The following MCTP1 variants were observed in gnomAD, a reference collection of about 807,000 sequenced individuals.
The protein encoded by MCTP1 is multiple C2 and transmembrane domain-containing protein 1.
In MCTP1, 69 loss-of-function variants were observed where a neutral mutation model predicts 120.6. The ratio of observed to expected loss-of-function variants is 0.57; its 90% confidence interval spans 0.47 to 0.70. The LOEUF is 0.70. Ranked by LOEUF, MCTP1 falls within the 30% of genes least tolerant of loss-of-function variation. The probability of loss-of-function intolerance (pLI) is 0.00; values close to 1 mark genes in which losing one functional copy is unlikely to be tolerated. For missense variants in MCTP1, 1,203 were observed against 1,248.8 expected, an observed-to-expected ratio of 0.96 and a Z score of 0.55; for synonymous variants, 529 against 493.1, an observed-to-expected ratio of 1.07 and a Z score of -0.96.
intron 18 of MCTP1, among the ~76,000 whole-genome samples, chr5:94,784,482 G>A (rs1391236140): frequency 3.3e-5 from 5 of 151,990 alleles, no homozygotes; most frequent in East Asian, 1.9e-4. Context: ...ACATTTTTAC[G>A]ACAGGACACC....
At chr5:94,735,011 G>A (rs1038795405) in intron 19 of MCTP1, among the ~76,000 whole-genome samples, 1 of 152,140 alleles carries the variant, frequency 6.6e-6, no homozygotes, top group Non-Finnish European at 1.5e-5. Flanking sequence ...AGAACACCTT[G>A]TCTATGTGAT....
At chr5:94,790,401 G>A (rs1273587388) in intron 18 of MCTP1, among the ~76,000 whole-genome samples, 1 of 152,206 alleles carries the variant, frequency 6.6e-6, no homozygotes, top group Non-Finnish European at 1.5e-5. Flanking sequence ...GTCCATGGAT[G>A]TTATCCCGTG....
intron 17 of MCTP1, among the ~76,000 whole-genome samples, chr5:94,840,354 C>A (rs1053033427): frequency 6.6e-6 from 1 of 152,190 alleles, no homozygotes; most frequent in Non-Finnish European, 1.5e-5. Context: ...AGAGAGACGA[C>A]AAACAGCTTC....
chr5:95,168,867 T>C (rs554271996), intron 1 of MCTP1, among the ~76,000 whole-genome samples: 132 of 152,288 alleles, frequency 8.7e-4, no homozygotes, highest in African/African-American at 3.1e-3. Context: ...ACTTCCTCTT[T>C]TCCTAATTGA....
intron 1 of MCTP1, among the ~76,000 whole-genome samples, chr5:95,100,968 C>A (rs193085572): frequency 7.3e-4 from 111 of 152,264 alleles, no homozygotes; most frequent in African/African-American, 2.6e-3. Flanking sequence ...AAATGTCTGA[C>A]TCCAGGTCTG....
chr5:95,171,815 T>C (rs555434175), intron 1 of MCTP1, among the ~76,000 whole-genome samples: 17 of 150,786 alleles, frequency 1.1e-4, no homozygotes, highest in Non-Finnish European at 2.5e-4. Flanking sequence ...ATTCATCTCA[T>C]CTTTTTTCAA....
At chr5:95,014,140 T>C (rs1276524587) in intron 2 of MCTP1, among the ~76,000 whole-genome samples, 1 of 151,980 alleles carries the variant, frequency 6.6e-6, no homozygotes, top group African/African-American at 2.4e-5. Context: ...GACACAAACT[T>C]GTAGTCCTAG....
chr5:95,217,500 T>C (rs1753167154), intron 1 of MCTP1, among the ~76,000 whole-genome samples: 1 of 152,182 alleles, frequency 6.6e-6, no homozygotes, highest in South Asian at 2.1e-4. Flanking sequence ...GTAAAGCCGG[T>C]CTTGGCCACA....
At chr5:94,774,922 A>T (rs1774966710) in intron 19 of MCTP1, among the ~76,000 whole-genome samples, 1 of 152,100 alleles carries the variant, frequency 6.6e-6, no homozygotes, top group African/African-American at 2.4e-5. Context: ...CTCTCATATC[A>T]CATCACTTCT....
At chr5:95,130,635 G>T (rs949295319) in intron 1 of MCTP1, among the ~76,000 whole-genome samples, 1 of 152,122 alleles carries the variant, frequency 6.6e-6, no homozygotes, top group South Asian at 2.1e-4. Context: ...GGCAGGGTTG[G>T]TTTCTTCTGA....
chr5:94,847,540 A>G (rs1792674608), intron 17 of MCTP1, among the ~76,000 whole-genome samples: 2 of 152,028 alleles, frequency 1.3e-5, no homozygotes, highest in Admixed American at 1.3e-4. Flanking sequence ...GACAGAGAAC[A>G]AAGATGGATT....
In MCTP1 at chr5:95,284,157, G is replaced by A; in HGVS notation, c.419C>T (p.Ser140Leu). The part of the protein sequence containing the change: ...LPAVKGPAAA[S>L]GAAGGTPPGG... ...AGGAGGCGTCCCTCCCGCTGCTCCC[G>A]AGGCCGCCGCGGGCCCCTTTACGGC... The change falls in exon 1 of 23, where the codon TCG becomes TTG. Residue 140 changes from serine (S) to leucine (L), a missense_variant. Physicochemically the swap from Ser to Leu is moderately radical, Grantham distance 145. Around this residue, in one of 2 missense-constraint regions of MCTP1, gnomAD observed 463 missense variants for 377.8 expected, o/e 1.23. Transcript: ENST00000515393. This position sits in a 1 kb window ranked among gnomAD's most constrained non-coding sequence, Gnocchi z 5.2. 6.4e-7 allele frequency: 1 copy of A among 1,564,338 alleles called. No homozygotes were observed. Among genetic ancestry groups the A allele is most frequent in the South Asian group, 1.2e-5 (1 of 86,466 alleles).
At chr5:95,127,000 G>A (rs912725847) in intron 1 of MCTP1, among the ~76,000 whole-genome samples, 1 of 152,134 alleles carries the variant, frequency 6.6e-6, no homozygotes, top group African/African-American at 2.4e-5. Flanking sequence ...TGTTACTGAA[G>A]GAAGTCAAAG....
intron 19 of MCTP1, among the ~76,000 whole-genome samples, chr5:94,732,843 G>A (rs548475170): frequency 2.0e-5 from 3 of 152,296 alleles, no homozygotes; most frequent in African/African-American, 7.2e-5. Context: ...AGAACTGTGA[G>A]ATACAAGTTT....
chr5:95,068,655 T>G (rs1751307726), intron 1 of MCTP1: 7 of 400,072 alleles, frequency 1.7e-5, no homozygotes, highest in South Asian at 1.4e-4. Flanking sequence ...CCTTTGCTGT[T>G]CCCAGTAGCT....
At chr5:95,200,312 G>A (rs1391653345) in intron 1 of MCTP1, among the ~76,000 whole-genome samples, 2 of 152,064 alleles carry the variant, frequency 1.3e-5, no homozygotes, top group Non-Finnish European at 2.9e-5. Context: ...ATTAAAAATA[G>A]AACTGCCATA....
intron 1 of MCTP1, among the ~76,000 whole-genome samples, chr5:95,247,737 T>C (rs1354103777): frequency 6.6e-6 from 1 of 152,228 alleles, no homozygotes; most frequent in East Asian, 1.9e-4. Flanking sequence ...CTAATTTGAT[T>C]GCACTGTGGT....
chr5:95,228,280 C>T (rs1754508745), intron 1 of MCTP1, among the ~76,000 whole-genome samples: 1 of 152,110 alleles, frequency 6.6e-6, no homozygotes, highest in African/African-American at 2.4e-5. Context: ...CAGCACAGGG[C>T]ATTTGTAACA....
At chr5:94,847,950 G>C (rs1792856764) in intron 17 of MCTP1, among the ~76,000 whole-genome samples, 1 of 151,962 alleles carries the variant, frequency 6.6e-6, no homozygotes, top group Non-Finnish European at 1.5e-5. Context: ...GCGTCATTTA[G>C]CTCAGATAAG....
Sources: gnomAD v4.1 joint callset for allele counts (sites outside exome capture counted in the v4.1 genomes callset) on GRCh38, gnomAD v4.1.1 for gene constraint, gnomAD v4.1.1 regional missense constraint, Gnocchi (gnomAD v3.1) non-coding constraint, MANE v1.5 for transcripts, NCBI Gene and HGNC (gene_info 2026-07-23, HGNC 2026-07-21) for gene names.